The following CSMD1 variants were observed in gnomAD, a reference collection of about 807,000 sequenced individuals.
CSMD1 encodes the protein CUB and Sushi multiple domains 1.
In CSMD1, 213 loss-of-function variants were observed where a neutral mutation model predicts 417.5. The ratio of observed to expected loss-of-function variants is 0.51; its 90% CI spans 0.46 to 0.57. The LOEUF is 0.57. Among genes scored for constraint, CSMD1 ranks in the 20% least tolerant of loss-of-function variants. The pLI, the probability that CSMD1 is intolerant of heterozygous loss-of-function variation, is 0.00. For synonymous variants in CSMD1, 2,862 were observed against 1,736.8 expected, an observed-to-expected ratio of 1.65 and a Z score of -16.11; for missense variants, 6,923 against 4,529.7, an observed-to-expected ratio of 1.53 and a Z score of -15.17.
intron 21 of CSMD1, among the ~76,000 whole-genome samples, chr8:3,350,825 T>C (rs1001917433): frequency 5.3e-5 from 8 of 151,818 alleles, no homozygotes; most frequent in Non-Finnish European, 1.2e-4. Flanking sequence ...TTACATGTTT[T>C]TATTAGCCTT....
intron 3 of CSMD1, among the ~76,000 whole-genome samples, chr8:4,282,532 A>T (rs1395003801): frequency 6.6e-6 from 1 of 152,210 alleles, no homozygotes; most frequent in East Asian, 1.9e-4. Context: ...TAAAGCAACT[A>T]ATGTGTAATG....
At chr8:3,492,826 C>T (rs1331982540) in intron 11 of CSMD1, among the ~76,000 whole-genome samples, 1 of 151,784 alleles carries the variant, frequency 6.6e-6, no homozygotes, top group Non-Finnish European at 1.5e-5. Flanking sequence ...GAGTCACCCC[C>T]AACACTTTTC....
chr8:3,918,560 C>A (rs1258924502), intron 5 of CSMD1, among the ~76,000 whole-genome samples: 2 of 151,996 alleles, frequency 1.3e-5, no homozygotes, highest in African/African-American at 4.8e-5. Context: ...GAAGTATATG[C>A]ATTTCTTATA....
chr8:4,963,906 T>G (rs1809679802), intron 1 of CSMD1, among the ~76,000 whole-genome samples: 1 of 152,090 alleles, frequency 6.6e-6, no homozygotes, highest in Admixed American at 6.6e-5. Context: ...ATCAAATATT[T>G]TATACACCTC....
intron 50 of CSMD1, among the ~76,000 whole-genome samples, chr8:3,036,062 A>G (rs969830366): frequency 2.6e-5 from 4 of 152,196 alleles, no homozygotes; most frequent in African/African-American, 4.8e-5. Context: ...TTGAAAGTAT[A>G]AACAATATAT....
chr8:3,681,771 C>T (rs1261271465), intron 7 of CSMD1, among the ~76,000 whole-genome samples: 1 of 152,178 alleles, frequency 6.6e-6, no homozygotes, highest in Non-Finnish European at 1.5e-5. Context: ...GGAGGCATCA[C>T]ACTACCTGAC....
intron 6 of CSMD1, among the ~76,000 whole-genome samples, chr8:3,751,999 A>G (rs1799188925): frequency 6.6e-6 from 1 of 152,150 alleles, no homozygotes; most frequent in African/African-American, 2.4e-5. Context: ...ATATCCATAG[A>G]TAAGGATCAC....
chr8:3,713,026 G>C (rs1365982797), intron 6 of CSMD1, among the ~76,000 whole-genome samples: 1 of 151,430 alleles, frequency 6.6e-6, no homozygotes, highest in Admixed American at 6.6e-5. Flanking sequence ...AAGTATGTGA[G>C]GTTAAAAAAA....
chr8:4,215,564 T>C (rs1186875569), intron 3 of CSMD1, among the ~76,000 whole-genome samples: 2 of 151,914 alleles, frequency 1.3e-5, no homozygotes, highest in African/African-American at 4.8e-5. Context: ...TAATCATAGA[T>C]CAGGCATTTT....
chr8:4,452,263 C>T (rs1384119638), intron 2 of CSMD1, among the ~76,000 whole-genome samples: 2 of 152,184 alleles, frequency 1.3e-5, no homozygotes, highest in African/African-American at 4.8e-5. Flanking sequence ...TCAGCTCCTC[C>T]TTGTCAAAGG....
intron 3 of CSMD1, among the ~76,000 whole-genome samples, chr8:4,378,865 G>C (rs1202731341): frequency 1.3e-5 from 2 of 152,160 alleles, no homozygotes; most frequent in Non-Finnish European, 2.9e-5. Flanking sequence ...GAAACAGAGA[G>C]TCAGCCCTTT....
intron 1 of CSMD1, among the ~76,000 whole-genome samples, chr8:4,683,829 G>C (rs1282521388): frequency 6.6e-6 from 1 of 152,134 alleles, no homozygotes; most frequent in East Asian, 1.9e-4. Flanking sequence ...AGAACAAGTA[G>C]ACAATTACTC....
At chr8:4,573,780 G>T (rs149155343) in intron 2 of CSMD1, among the ~76,000 whole-genome samples, 1 of 152,154 alleles carries the variant, frequency 6.6e-6, no homozygotes, top group African/African-American at 2.4e-5. Flanking sequence ...TCTATGAGCC[G>T]CTGACTGGGG....
At chr8:4,618,035 TAG>T (rs1284975469) in intron 2 of CSMD1, among the ~76,000 whole-genome samples, 2 of 152,302 alleles carry the variant, frequency 1.3e-5, no homozygotes, top group East Asian at 3.9e-4. Flanking sequence ...AGAGATCACT[TAG>T]AATATGCACT....
intron 18 of CSMD1, among the ~76,000 whole-genome samples, chr8:3,385,749 A>T (rs1485941693): frequency 6.6e-6 from 1 of 152,182 alleles, no homozygotes; most frequent in African/African-American, 2.4e-5. Flanking sequence ...ATGTAAAAAA[A>T]TGAGACATGT....
At chr8:3,154,135 G>A (rs1049301205) in intron 39 of CSMD1, among the ~76,000 whole-genome samples, 1 of 152,116 alleles carries the variant, frequency 6.6e-6, no homozygotes, top group African/African-American at 2.4e-5. Context: ...ACTACGCCTG[G>A]CTAATTTTTG....
intron 3 of CSMD1, among the ~76,000 whole-genome samples, chr8:4,258,888 T>C (rs1803672979): frequency 6.6e-6 from 1 of 152,176 alleles, no homozygotes; most frequent in African/African-American, 2.4e-5. Context: ...GGCCGTGCCA[T>C]GTGTTTTAAA....
chr8:3,151,961 C>G (rs1483048585), intron 39 of CSMD1, among the ~76,000 whole-genome samples: 1 of 152,192 alleles, frequency 6.6e-6, no homozygotes, highest in Non-Finnish European at 1.5e-5. Flanking sequence ...TACCATTCCC[C>G]TCTTACACAT....
Position 3,604,624 on chromosome 8 carries a change from G to C in CSMD1, c.1097+12086C>G, listed in dbSNP as rs189813596. On this transcript the variant is annotated intron_variant, in intron 8 of 69. Coordinates refer to ENST00000635120, the MANE Select transcript of CSMD1 (RefSeq NM_033225.6). Reference sequence around the variant, plus strand: ...TGATGACAAATAAAATAGTAAGCAAGAAAAGGAATCAAAGGAGCCAAAAAG... The same window carrying C: ...TGATGACAAATAAAATAGTAAGCAACAAAAGGAATCAAAGGAGCCAAAAAG... Among the ~76,000 whole-genome samples the C allele has an allele frequency of 1.1e-3, 171 of 152,218 alleles. 2 individuals carry two copies. Among genetic ancestry groups the C allele is most frequent in the Non-Finnish European group, 3.1e-4 (21 of 68,010 alleles).
Sources: allele counts gnomAD v4.1 joint callset (sites outside exome capture counted in the v4.1 genomes callset), GRCh38; gene constraint gnomAD v4.1.1; transcripts MANE v1.5; gene names NCBI Gene and HGNC (gene_info 2026-07-23, HGNC 2026-07-21).